Variants in ENTPD1 observed in about 807,000 individuals in gnomAD.
ENTPD1 encodes the protein ectonucleoside triphosphate diphosphohydrolase 1, also known as ATP diphosphohydrolase.
ENTPD1 carries 33 observed loss-of-function variants against 57.0 expected under a neutral mutation model. The observed-to-expected ratio is 0.58, with a 90% CI of 0.44 to 0.77. ENTPD1 has a LOEUF of 0.77. ENTPD1 is among the 30% of genes least tolerant of loss of function. The probability of loss-of-function intolerance (pLI) is 0.00; values close to 1 mark genes in which losing one functional copy is unlikely to be tolerated. For missense variants in ENTPD1, 501 were observed against 603.4 expected, an observed-to-expected ratio of 0.83 and a Z score of 1.78; for synonymous variants, 202 against 218.8, an observed-to-expected ratio of 0.92 and a Z score of 0.68.
intron 1 of ENTPD1, among the ~76,000 whole-genome samples, chr10:95,775,909 C>T (rs899512348): frequency 2.6e-5 from 4 of 152,084 alleles, no homozygotes; most frequent in Admixed American, 2.6e-4. Context: ...TTCTTTGTCT[C>T]TTTTGATCTT....
chr10:95,834,425 C>G (rs2098404600), intron 2 of ENTPD1, among the ~76,000 whole-genome samples: 1 of 152,022 alleles, frequency 6.6e-6, no homozygotes, highest in Non-Finnish European at 1.5e-5. Flanking sequence ...TCAGAGAAGG[C>G]TGAGATGTCA....
At chr10:95,776,739 G>A (rs1341451935) in intron 1 of ENTPD1, among the ~76,000 whole-genome samples, 1 of 152,158 alleles carries the variant, frequency 6.6e-6, no homozygotes, top group Non-Finnish European at 1.5e-5. Context: ...TTCCAACTTG[G>A]TCCTATTCTC....
chr10:95,805,584 A>G (rs1300015841), intron 1 of ENTPD1, among the ~76,000 whole-genome samples: 1 of 152,050 alleles, frequency 6.6e-6, no homozygotes, highest in Non-Finnish European at 1.5e-5. Context: ...TCTTTCTCGT[A>G]TCGATGGTCT....
intron 1 of ENTPD1, among the ~76,000 whole-genome samples, chr10:95,803,335 G>A (rs2098258493): frequency 6.6e-6 from 1 of 152,192 alleles, no homozygotes; most frequent in African/African-American, 2.4e-5. Flanking sequence ...CAGTGTAAAA[G>A]CATTCCTGTT....
chr10:95,851,433 T>C (rs1437135590), intron 7 of ENTPD1, among the ~76,000 whole-genome samples: 2 of 150,654 alleles, frequency 1.3e-5, no homozygotes, highest in African/African-American at 4.9e-5. Context: ...TGGATGATCT[T>C]TTTTTTTTAA....
chr10:95,755,658 G>T, upstream of ENTPD1: 1 of 1,535,174 alleles, frequency 6.5e-7, no homozygotes, highest in South Asian at 1.2e-5. Context: ...GTCACCTGTT[G>T]CTCTTTGCTC....
At chr10:95,789,893 G>A (rs1197634677) in intron 1 of ENTPD1, among the ~76,000 whole-genome samples, 2 of 152,172 alleles carry the variant, frequency 1.3e-5, no homozygotes, top group South Asian at 2.1e-4. Context: ...CTCAGGTGTT[G>A]CATGTATCTG....
At chr10:95,748,023 CA>C (rs1175708428) in intron 1 of ENTPD1, among the ~76,000 whole-genome samples, 2 of 152,130 alleles carry the variant, frequency 1.3e-5, no homozygotes, top group African/African-American at 2.4e-5. Flanking sequence ...AGGCATGCGC[CA>C]CCATGCCCGG....
chr10:95,761,574 A>G (rs1645332287), intron 1 of ENTPD1, among the ~76,000 whole-genome samples: 1 of 152,190 alleles, frequency 6.6e-6, no homozygotes, highest in African/African-American at 2.4e-5. Context: ...TTGCAGGATG[A>G]TGGGAAGCCT....
In ENTPD1 at chr10:95,869,241, C is replaced by CTTTTTTTTTTTTTTTTT. The variant is rs11312564; in HGVS notation, c.*2868_*2884dup. ...GAAAAAAGATCAGCAGAAGTCATTA[C>CTTTTTTTTTTTTTTTTT]TTTTTTTTTTTTTTTTTTTTTTTTT... On this transcript the variant is annotated 3_prime_UTR_variant, in exon 10 of 10. Transcript: ENST00000371205. 3.2e-6 allele frequency: 2 copies of CTTTTTTTTTTTTTTTTT among 629,798 alleles called. No individual in the cohort carries two copies. Among genetic ancestry groups the CTTTTTTTTTTTTTTTTT allele is most frequent in the African/African-American group, 3.3e-5 (1 of 29,872 alleles). 39.0% of individuals were successfully genotyped at this position (629,798 alleles called of 1,614,324 possible). A position where few individuals can be genotyped will look rare whatever the true frequency, so the allele number is the denominator to read the frequency against.
intron 1 of ENTPD1, among the ~76,000 whole-genome samples, chr10:95,794,862 T>G (rs1285481559): frequency 6.6e-6 from 1 of 151,938 alleles, no homozygotes; most frequent in African/African-American, 2.4e-5. Flanking sequence ...GAGGACAGCA[T>G]AGTGAAATGG....
At chr10:95,766,734 T>C (rs1435156026) in intron 1 of ENTPD1, among the ~76,000 whole-genome samples, 2 of 152,236 alleles carry the variant, frequency 1.3e-5, no homozygotes, top group African/African-American at 4.8e-5. Context: ...TTATTTTATC[T>C]GCCTTTTCTC....
At chr10:95,826,375 C>T (rs2098376408) in intron 2 of ENTPD1, among the ~76,000 whole-genome samples, 1 of 151,924 alleles carries the variant, frequency 6.6e-6, no homozygotes, top group Non-Finnish European at 1.5e-5. Context: ...GAGCTTGAGA[C>T]CACCCTGGGC....
rs1337008660 is a variant in ENTPD1 at position 95,873,221 on chromosome 10, CTCTCAGA to C, written c.*6841_*6847del. On this transcript the variant is annotated 3_prime_UTR_variant, in exon 10 of 10. Coordinates refer to ENST00000371205, the MANE Select transcript of ENTPD1 (RefSeq NM_001776.6). ...CATTCCAAAGAGTTTCTTTTACAGG[CTCTCAGA>C]TCAGTGTTCATCCACTACCTGACTA... The C allele has an allele frequency of 6.1e-6, 6 of 985,258 alleles. No homozygotes were observed. The highest frequency in any genetic ancestry group is 4.8e-6 in the Non-Finnish European group (4 of 829,930). The allele number at this position is 985,258 out of a possible 1,614,324, so 61.0% of individuals were successfully genotyped here. A position where few individuals can be genotyped will look rare whatever the true frequency, so the allele number is the denominator to read the frequency against.
In ENTPD1 at chr10:95,839,126, T is replaced by C. The variant is rs78261777; in HGVS notation, c.145-565T>C. ...TTAGATGAACATATTTATTACGTCT[T>C]ACTGGCATTCAATGGAGTAACTCAG... On this transcript the variant is annotated intron_variant, in intron 2 of 9. Transcript: ENST00000371205. 9.5e-4 allele frequency among the ~76,000 whole-genome samples: 144 copies of C among 152,350 alleles called. 4 individuals are homozygous for C. The East Asian group carries it at 0.027, about 28-fold the overall frequency.
upstream of ENTPD1, chr10:95,711,711 G>A: frequency 2.0e-6 from 1 of 499,750 alleles, no homozygotes; most frequent in Non-Finnish European, 3.6e-6. Flanking sequence ...GCCTCCCAAA[G>A]TGCTGAGGTC....
Position 95,867,794 on chromosome 10 carries a change from G to A in ENTPD1, c.*1411G>A, listed in dbSNP as rs532310579. The A allele has an allele frequency of 2.3e-5, 23 of 985,426 alleles. No homozygotes were observed. Among genetic ancestry groups the A allele is most frequent in the Non-Finnish European group, 8.4e-6 (7 of 829,934 alleles). 61.0% of individuals were successfully genotyped at this position (985,426 alleles called of 1,614,324 possible). On this transcript the variant is annotated 3_prime_UTR_variant, in exon 10 of 10. Coordinates refer to ENST00000371205, the MANE Select transcript of ENTPD1 (RefSeq NM_001776.6). ...TCTGGGGACTGACTGTTGAGCTGAT[G>A]GGGAAAGAAAAGCTCTCACACAAAC...
intron 7 of ENTPD1, among the ~76,000 whole-genome samples, chr10:95,850,283 C>G (rs991042835): frequency 5.3e-5 from 8 of 152,232 alleles, no homozygotes; most frequent in Non-Finnish European, 1.0e-4. Context: ...CCCTCAGGGT[C>G]AGGACTGTCC....
chr10:95,786,178 G>C (rs1016715138), intron 1 of ENTPD1, among the ~76,000 whole-genome samples: 1 of 152,150 alleles, frequency 6.6e-6, no homozygotes, highest in Non-Finnish European at 1.5e-5. Context: ...ACTCCCTAGG[G>C]ATGGTTTGCC....
Sources: allele counts gnomAD v4.1 joint callset (sites outside exome capture counted in the v4.1 genomes callset), GRCh38; gene constraint gnomAD v4.1.1; transcripts MANE v1.5; gene names NCBI Gene and HGNC (gene_info 2026-07-23, HGNC 2026-07-21).